Variants in ANO3 observed in about 807,000 individuals in gnomAD.
ANO3 encodes the protein anoctamin 3.
ANO3 carries 99 observed loss-of-function variants against 144.8 expected under a neutral mutation model. That is an observed-to-expected ratio of 0.68 (90% CI 0.58 to 0.81). The LOEUF (loss-of-function observed/expected upper bound fraction) is 0.81. Among genes scored for constraint, ANO3 ranks in the 30% least tolerant of loss-of-function variants. The probability of loss-of-function intolerance (pLI) is 0.00; values close to 1 mark genes in which losing one functional copy is unlikely to be tolerated. For synonymous variants in ANO3, 414 were observed against 392.6 expected (o/e 1.05, Z -0.64); for missense variants, 905 against 1,202.2 (o/e 0.75, Z 3.66).
rs1850262348 is a variant in ANO3, at chr11:26,560,910, C to G, written c.1447+1131C>G. 5.9e-6 allele frequency: 4 copies of G among 681,526 alleles called. No individual in the cohort carries two copies. In the South Asian group the frequency reaches 9.1e-5, roughly 16 times the overall value. The allele number at this position is 681,526 out of a possible 1,614,324, so 42.2% of individuals were successfully genotyped here. A position where few individuals can be genotyped will look rare whatever the true frequency, so the allele number is the denominator to read the frequency against. The stretch of plus-strand genomic sequence containing the variant: ...GAAAGAAAACCTTTGGATGATACAT[C>G]CTGTCTACATTTCTGCTACTGGTCT... On this transcript the variant is annotated intron_variant, in intron 14 of 26. Coordinates refer to ENST00000256737, the MANE Select transcript of ANO3 (RefSeq NM_031418.4).
At chr11:26,625,392 C>A (rs1852551551) in intron 18 of ANO3, among the ~76,000 whole-genome samples, 1 of 152,128 alleles carries the variant, frequency 6.6e-6, no homozygotes, top group Admixed American at 6.5e-5. Flanking sequence ...TGCCCTGTCC[C>A]CCGACACTCC....
chr11:26,332,196 G>C lies in ANO3; in HGVS notation c.-80G>C. On this transcript the variant is annotated 5_prime_UTR_variant, in exon 1 of 27. Transcript: ENST00000256737. The stretch of plus-strand genomic sequence containing the variant: ...GCGCTCGCTGAGGCTCCGGACCTTG[G>C]AGCGTCTAGAGTCTGGCTACTGTTC... 6.2e-7 allele frequency: 1 copy of C among 1,613,146 alleles called. No individual in the cohort carries two copies. Among genetic ancestry groups the C allele is most frequent in the Non-Finnish European group, 8.5e-7 (1 of 1,179,560 alleles).
chr11:26,312,768 A>C (rs1405400606), intron 1 of ANO3, among the ~76,000 whole-genome samples: 1 of 152,108 alleles, frequency 6.6e-6, no homozygotes, highest in African/African-American at 2.4e-5. Context: ...AGATTGTAAA[A>C]ATTTTCTCCC....
At chr11:26,576,310 A>G (rs549205430) in intron 14 of ANO3, among the ~76,000 whole-genome samples, 8 of 152,336 alleles carry the variant, frequency 5.3e-5, no homozygotes, top group East Asian at 3.9e-4. Context: ...GTTAAAATAG[A>G]TAAAATAATT....
At chr11:26,343,635 C>A (rs1175860234) in intron 1 of ANO3, among the ~76,000 whole-genome samples, 1 of 152,180 alleles carries the variant, frequency 6.6e-6, no homozygotes, top group Non-Finnish European at 1.5e-5. Flanking sequence ...AACATATCAA[C>A]ATAAGATGGT....
chr11:26,272,180 C>T (rs1189088590), intron 1 of ANO3, among the ~76,000 whole-genome samples: 1 of 151,772 alleles, frequency 6.6e-6, no homozygotes, highest in Admixed American at 6.6e-5. Context: ...ATACCATAAA[C>T]CTTGAATAAC....
intron 1 of ANO3, among the ~76,000 whole-genome samples, chr11:26,310,319 C>T (rs1489412263): frequency 1.3e-5 from 2 of 152,056 alleles, no homozygotes; most frequent in African/African-American, 2.4e-5. Context: ...TATTGGTTAA[C>T]CAATTGATTG....
intron 4 of ANO3, among the ~76,000 whole-genome samples, chr11:26,492,796 T>C (rs1860763557): frequency 6.6e-6 from 1 of 152,190 alleles, no homozygotes; most frequent in South Asian, 2.1e-4. Flanking sequence ...ATTGTGGAAA[T>C]ATTTGTCCTA....
chr11:26,343,686 G>A (rs1180606988), intron 1 of ANO3, among the ~76,000 whole-genome samples: 1 of 152,190 alleles, frequency 6.6e-6, no homozygotes, highest in Non-Finnish European at 1.5e-5. Flanking sequence ...TTGATAACTG[G>A]AGTGTAGAGT....
rs3802755 is a variant in ANO3 at position 26,661,287 on chromosome 11, T to A, written c.*843T>A. ...TTATTGTGGAAGGCTGTTTTATAGT[T>A]TATTTAATTTTTTCTCTATGATTTA... On this transcript the variant is annotated 3_prime_UTR_variant, in exon 27 of 27. Transcript: ENST00000256737. The A allele has an allele frequency of 0.81, 123,057 of 152,526 alleles. 50,433 individuals carry two copies. The highest frequency in any genetic ancestry group is 0.88 in the East Asian group (4,570 of 5,164). The allele number at this position is 152,526 out of a possible 1,614,324, so 9.4% of individuals were successfully genotyped here.
At chr11:26,277,459 A>C (rs1464624611) in intron 1 of ANO3, among the ~76,000 whole-genome samples, 1 of 152,092 alleles carries the variant, frequency 6.6e-6, no homozygotes, top group African/African-American at 2.4e-5. Flanking sequence ...AGTGGATCCT[A>C]ATGGCAATAA....
chr11:26,556,927 C>A (rs1295552070), intron 13 of ANO3, among the ~76,000 whole-genome samples: 2 of 152,080 alleles, frequency 1.3e-5, no homozygotes, highest in Non-Finnish European at 2.9e-5. Flanking sequence ...TTATGTTTTT[C>A]TGAACCTATA....
At chr11:26,307,122 G>A (rs1200026801), upstream of ANO3, among the ~76,000 whole-genome samples, 4 of 152,120 alleles carry the variant, frequency 2.6e-5, no homozygotes, top group South Asian at 2.1e-4. Flanking sequence ...TTGGGAGGCC[G>A]AGGCAGGCGG....
chr11:26,647,848 A>G lies in ANO3; in HGVS notation c.2568A>G (p.Pro856=). The change falls in exon 24 of 27, where the codon CCA becomes CCG. Residue 856 remains proline (P), a synonymous_variant. Coordinates refer to ENST00000256737, the MANE Select transcript of ANO3 (RefSeq NM_031418.4). ...KYGPCANHVE[P]SENCLKGYVN... is the part of the protein sequence containing the mutation. Reference sequence around the variant, plus strand: ...GCCCCTGTGCAAATCATGTAGAACCAAGTGAAAAGTAAGGTTTAAATTTAA... The same window carrying G: ...GCCCCTGTGCAAATCATGTAGAACCGAGTGAAAAGTAAGGTTTAAATTTAA... 1 of 1,606,562 alleles carries G rather than the reference A, an allele frequency of 6.2e-7. No homozygotes were observed. Among genetic ancestry groups the G allele is most frequent in the Non-Finnish European group, 8.5e-7 (1 of 1,175,970 alleles).
intron 3 of ANO3, among the ~76,000 whole-genome samples, chr11:26,453,860 C>A (rs562288022): frequency 6.6e-6 from 1 of 151,988 alleles, no homozygotes; most frequent in African/African-American, 2.4e-5. Context: ...TATAAAAGAA[C>A]AGAAATTATA....
chr11:26,282,399 T>C (rs1370177208), intron 1 of ANO3, among the ~76,000 whole-genome samples: 1 of 152,112 alleles, frequency 6.6e-6, no homozygotes, highest in East Asian at 1.9e-4. Flanking sequence ...TAAACTTTTA[T>C]GAACTTCTAA....
At chr11:26,385,893 G>GTATATATGTATATATATA (rs1856715726) in intron 1 of ANO3, among the ~76,000 whole-genome samples, 1 of 143,694 alleles carries the variant, frequency 7.0e-6, no homozygotes, top group African/African-American at 2.7e-5. Context: ...CTTTGTGTGT[G>GTATATATGTATATATATA]TATATATATT....
chr11:26,260,753 A>G (rs1450734294), intron 1 of ANO3, among the ~76,000 whole-genome samples: 2 of 152,128 alleles, frequency 1.3e-5, no homozygotes, highest in African/African-American at 4.8e-5. Flanking sequence ...TCCATACAGC[A>G]TTTTGTGGGC....
intron 4 of ANO3, among the ~76,000 whole-genome samples, chr11:26,501,689 C>T (rs989987308): frequency 6.6e-6 from 1 of 152,164 alleles, no homozygotes; most frequent in African/African-American, 2.4e-5. Flanking sequence ...AGGTCAAGAT[C>T]GGCAAGCTGA....
Sources: gnomAD v4.1 joint callset for allele counts (sites outside exome capture counted in the v4.1 genomes callset) on GRCh38, gnomAD v4.1.1 for gene constraint, MANE v1.5 for transcripts, NCBI Gene and HGNC (gene_info 2026-07-23, HGNC 2026-07-21) for gene names.